Variants in NSD2 observed in about 807,000 individuals in gnomAD.
NSD2 encodes nuclear receptor binding SET domain protein 2.
NSD2 carries 12 observed loss-of-function variants against 139.0 expected under a neutral mutation model. The ratio of observed to expected loss-of-function variants is 0.09; its 90% CI spans 0.06 to 0.14. NSD2 has a LOEUF of 0.14. NSD2 is among the 10% of genes least tolerant of loss of function. The pLI is 1.00. For missense variants in NSD2, 1,155 were observed against 1,745.0 expected (o/e 0.66, Z 6.02); for synonymous variants, 669 against 648.7 (o/e 1.03, Z -0.48).
At chr4:1,905,635 G>T (rs1717793686) in intron 3 of NSD2, among the ~76,000 whole-genome samples, 1 of 152,256 alleles carries the variant, frequency 6.6e-6, no homozygotes. Context: ...CCTGGCAGAT[G>T]TAGATGTTAG....
At chr4:1,873,993 AGTG>A in intron 1 of NSD2, among the ~76,000 whole-genome samples, 1 of 152,174 alleles carries the variant, frequency 6.6e-6, no homozygotes, top group Non-Finnish European at 1.5e-5. Context: ...CCTCCTGAGT[AGTG>A]GTTACTACAG....
In NSD2 at chr4:1,974,076, TCAGCCA is replaced by T. The variant is rs1295582580; in HGVS notation, c.3373-786_3373-781del. 6.6e-6 allele frequency among the ~76,000 whole-genome samples: 1 copy of T among 152,150 alleles called. No homozygotes were observed. The highest frequency in any genetic ancestry group is 1.5e-5 in the Non-Finnish European group (1 of 68,022). Reference sequence around the variant, plus strand: ...GCCGGCCCTGCAGCCACCCCTCATCTCAGCCAACGCCACATCAGCGCCATGGGTGCA... The same window carrying T: ...GCCGGCCCTGCAGCCACCCCTCATCTACGCCACATCAGCGCCATGGGTGCA... On this transcript the variant is annotated intron_variant, in intron 18 of 21. Transcript: ENST00000508803. The surrounding 1 kb of genome is among the most constrained non-coding windows in gnomAD (Gnocchi z 4.0).
intron 5 of NSD2, among the ~76,000 whole-genome samples, chr4:1,926,752 T>G (rs1720964235): frequency 6.6e-6 from 1 of 152,212 alleles, no homozygotes; most frequent in Non-Finnish European, 1.5e-5. Context: ...ATTATAGGTG[T>G]GAGCCATTGC....
At chr4:1,946,589 G>T (rs2108923307) in intron 9 of NSD2, 2 of 1,023,918 alleles carry the variant, frequency 2.0e-6, no homozygotes, top group South Asian at 4.6e-5. Context: ...TATTTTAAAA[G>T]AAATATTCTG....
rs2109038531 is a variant in NSD2 at position 1,979,549 on chromosome 4, G to GT, written c.*646dup. The GT allele has an allele frequency of 4.3e-6, 1 of 233,038 alleles. No individual in the cohort carries two copies. The highest frequency in any genetic ancestry group is 1.8e-4 in the South Asian group (1 of 5,530). The allele number at this position is 233,038 out of a possible 1,614,324, so 14.4% of individuals were successfully genotyped here. A position where few individuals can be genotyped will look rare whatever the true frequency, so the allele number is the denominator to read the frequency against. ...TGGTGTTGTAAGATTTCCTCCCGTAGTTTTTTCTCCTCATGGATTTGAATG... is the reference window on the plus strand; with the variant it reads ...TGGTGTTGTAAGATTTCCTCCCGTAGTTTTTTTCTCCTCATGGATTTGAATG... On this transcript the variant is annotated 3_prime_UTR_variant, in exon 22 of 22. Coordinates refer to ENST00000508803, the MANE Select transcript of NSD2 (RefSeq NM_001042424.3).
chr4:1,933,813 C>T (rs1441803261), intron 6 of NSD2, among the ~76,000 whole-genome samples: 1 of 152,104 alleles, frequency 6.6e-6, no homozygotes, highest in Non-Finnish European at 1.5e-5. Flanking sequence ...TGAAATTAAT[C>T]ATCTCTGTAG....
intron 1 of NSD2, among the ~76,000 whole-genome samples, chr4:1,880,722 T>C (rs892173774): frequency 1.3e-5 from 2 of 151,814 alleles, no homozygotes; most frequent in East Asian, 3.9e-4. Flanking sequence ...TTGGCAACAC[T>C]GAGAAATGTG....
intron 1 of NSD2, among the ~76,000 whole-genome samples, chr4:1,898,387 A>G (rs530867871): frequency 4.9e-4 from 75 of 152,290 alleles, no homozygotes; most frequent in African/African-American, 1.3e-3. Flanking sequence ...TTTCGTGGCC[A>G]GGTGCGGTGG....
At chr4:1,929,912 C>G (rs917989965) in intron 5 of NSD2, among the ~76,000 whole-genome samples, 11 of 152,100 alleles carry the variant, frequency 7.2e-5, no homozygotes, top group Non-Finnish European at 4.4e-5. Context: ...CAGGTTATTA[C>G]CAGGTGGAGC....
rs1294390179 is a variant in NSD2, at chr4:1,955,160, G to A, written c.2339-1G>A. ...CTTAGGGTGTGTTTCTTTGCCTTCA[G>A]GTAAAATGATGCGGTGTGTCCGCTG... On this transcript the variant is annotated splice_acceptor_variant, in intron 12 of 21. Transcript: ENST00000508803. LOFTEE classifies it high-confidence loss of function. This position sits in a 1 kb window ranked among gnomAD's most constrained non-coding sequence, Gnocchi z 4.7. 6.3e-7 allele frequency: 1 copy of A among 1,597,544 alleles called. No individual in the cohort carries two copies. Among genetic ancestry groups the A allele is most frequent in the Non-Finnish European group, 8.6e-7 (1 of 1,166,030 alleles).
intron 5 of NSD2, among the ~76,000 whole-genome samples, chr4:1,930,367 A>G (rs959889243): frequency 8.5e-5 from 13 of 152,174 alleles, no homozygotes; most frequent in African/African-American, 3.1e-4. Context: ...TATTTTTATC[A>G]TTTATCATTT....
At position 1,974,505 on chromosome 4, in the gene NSD2, C is replaced by A. The variant is rs1044266822; in HGVS notation, c.3373-358C>A. The A allele has an allele frequency of 5.2e-6, 2 of 387,006 alleles. No homozygotes were observed. Among genetic ancestry groups the A allele is most frequent in the Non-Finnish European group, 1.0e-5 (2 of 196,588 alleles). 24.0% of individuals were successfully genotyped at this position (387,006 alleles called of 1,614,324 possible). ...CTGGGATTACAGGCGTGAGCCACTG[C>A]GCCCAGCCAGGGTGAGTCTTGTTCT... On this transcript the variant is annotated intron_variant, in intron 18 of 21. Transcript: ENST00000508803. This position sits in a 1 kb window ranked among gnomAD's most constrained non-coding sequence, Gnocchi z 4.0.
Position 1,974,851 on chromosome 4 carries a change from T to G in NSD2, c.3373-12T>G. Reference sequence around the variant, plus strand: ...GCTAACACTTGACCGAATATATCACTTGACCTTACAGGACCGTATAATAGA... The same window carrying G: ...GCTAACACTTGACCGAATATATCACGTGACCTTACAGGACCGTATAATAGA... On this transcript the variant is annotated splice_polypyrimidine_tract_variant and intron_variant, in intron 18 of 21. Transcript: ENST00000508803. This position sits in a 1 kb window ranked among gnomAD's most constrained non-coding sequence, Gnocchi z 4.0. The G allele has an allele frequency of 6.2e-7, 1 of 1,614,168 alleles. No homozygotes were observed. The highest frequency in any genetic ancestry group is 2.2e-5 in the East Asian group (1 of 44,890).
chr4:1,872,243 C>T (rs1417995946), intron 1 of NSD2, among the ~76,000 whole-genome samples: 4 of 152,122 alleles, frequency 2.6e-5, no homozygotes, highest in Non-Finnish European at 5.9e-5. Flanking sequence ...TGCGCGCCCT[C>T]GGCGTCCGGG....
At chr4:1,881,829 G>A (rs1229687006) in intron 1 of NSD2, among the ~76,000 whole-genome samples, 1 of 152,206 alleles carries the variant, frequency 6.6e-6, no homozygotes, top group Non-Finnish European at 1.5e-5. Context: ...AAGACTTCCT[G>A]ATGGGATAGA....
intron 3 of NSD2, among the ~76,000 whole-genome samples, chr4:1,904,602 C>T (rs928045654): frequency 6.6e-6 from 1 of 152,138 alleles, no homozygotes; most frequent in Non-Finnish European, 1.5e-5. Context: ...GGACACATGA[C>T]CTTTGCCTTG....
At position 1,981,892 on chromosome 4, in the gene NSD2, C is replaced by T. The variant is rs927817448; in HGVS notation, c.*2983C>T. 5.0e-6 allele frequency: 2 copies of T among 398,544 alleles called. No homozygotes were observed. Among genetic ancestry groups the T allele is most frequent in the Admixed American group, 4.4e-5 (1 of 22,718 alleles). 24.7% of individuals were successfully genotyped at this position (398,544 alleles called of 1,614,324 possible). A position where few individuals can be genotyped will look rare whatever the true frequency, so the allele number is the denominator to read the frequency against. ...AAAATGCTGTGTCCACGGGGTGTCA[C>T]AGCCTCACCATACCCTGTTGAGGTG... is the stretch of plus-strand genomic sequence containing the variant. On this transcript the variant is annotated 3_prime_UTR_variant, in exon 22 of 22. Transcript: ENST00000508803.
In NSD2 at chr4:1,961,165, C is replaced by A. The variant is rs1187837173; in HGVS notation, c.3372+14C>A. On this transcript the variant is annotated intron_variant, in intron 18 of 21. Transcript: ENST00000508803. ...ACTATAGACAAGGTAATGCGGAACT[C>A]CACTGTGAGCTTCTGCAGTGTGCTG... The A allele has an allele frequency of 1.3e-6, 2 of 1,584,240 alleles. No homozygotes were observed. Among genetic ancestry groups the A allele is most frequent in the South Asian group, 1.1e-5 (1 of 89,556 alleles).
In NSD2 at chr4:1,973,881, A is replaced by T. The variant is rs537959078; in HGVS notation, c.3373-982A>T. Among the ~76,000 whole-genome samples the T allele has an allele frequency of 7.9e-5, 12 of 152,306 alleles. No homozygotes were observed. Among genetic ancestry groups the T allele is most frequent in the African/African-American group, 2.6e-4 (11 of 41,572 alleles). On this transcript the variant is annotated intron_variant, in intron 18 of 21. Coordinates refer to ENST00000508803, the MANE Select transcript of NSD2 (RefSeq NM_001042424.3). The surrounding 1 kb of genome is among the most constrained non-coding windows in gnomAD (Gnocchi z 5.5). ...TGTGCGGTGGATCTGGCGGCTCCTC[A>T]GGTGGAGGCCGGGGCCGTCCATTCC... is the stretch of plus-strand genomic sequence containing the variant.
Sources: gnomAD v4.1 joint callset for allele counts (sites outside exome capture counted in the v4.1 genomes callset) on GRCh38, gnomAD v4.1.1 for gene constraint, Gnocchi (gnomAD v3.1) non-coding constraint, MANE v1.5 for transcripts, NCBI Gene and HGNC (gene_info 2026-07-23, HGNC 2026-07-21) for gene names.